The following DCAF6 variants were observed in gnomAD, a reference collection of about 807,000 sequenced individuals.
DCAF6 encodes DDB1- and CUL4-associated factor 6.
In DCAF6, 54 loss-of-function variants were observed where a neutral mutation model predicts 125.1. That is an observed-to-expected ratio of 0.43 (90% CI 0.35 to 0.54). The LOEUF (loss-of-function observed/expected upper bound fraction) is 0.54, where lower values mean the gene tolerates loss of function less well. DCAF6 is among the 20% of genes least tolerant of loss of function. The pLI, the probability that DCAF6 is intolerant of heterozygous loss-of-function variation, is 0.01. For missense variants in DCAF6, 934 were observed against 1,161.7 expected, an observed-to-expected ratio of 0.80 and a Z score of 2.85; for synonymous variants, 371 against 390.4, an observed-to-expected ratio of 0.95 and a Z score of 0.58.
the DCAF6 span, among the ~76,000 whole-genome samples, chr1:167,927,383 C>A: frequency 6.6e-6 from 1 of 152,178 alleles, no homozygotes; most frequent in Admixed American, 6.5e-5. Context: ...ATCATTACAC[C>A]TGGTTCATTT....
At chr1:168,011,449 T>A (rs932288833) in intron 10 of DCAF6, among the ~76,000 whole-genome samples, 1 of 152,190 alleles carries the variant, frequency 6.6e-6, no homozygotes, top group African/African-American at 2.4e-5. Flanking sequence ...TGATGTGGTC[T>A]GTGTGTGGAT....
At chr1:168,074,770 G>A (rs1362647799) in intron 21 of DCAF6, among the ~76,000 whole-genome samples, 1 of 152,180 alleles carries the variant, frequency 6.6e-6, no homozygotes, top group East Asian at 1.9e-4. Flanking sequence ...AAAGAATTGG[G>A]CAAAAGTATC....
chr1:168,072,029 G>C (rs1344550184), intron 21 of DCAF6, among the ~76,000 whole-genome samples: 1 of 151,842 alleles, frequency 6.6e-6, no homozygotes, highest in Non-Finnish European at 1.5e-5. Context: ...GTAGTGCGGT[G>C]GCTCATGCCT....
At chr1:167,935,764 C>T (rs1206909776), upstream of DCAF6, 1 of 1,565,322 alleles carries the variant, frequency 6.4e-7, no homozygotes, top group South Asian at 1.2e-5. Context: ...GCCTCAATTT[C>T]TCGGGCAGCA....
chr1:167,964,294 T>C (rs993055949), intron 2 of DCAF6, among the ~76,000 whole-genome samples: 2 of 152,342 alleles, frequency 1.3e-5, no homozygotes, highest in South Asian at 2.1e-4. Context: ...CTCCTTTAGT[T>C]TTGAAGGATA....
chr1:167,924,340 G>C, the DCAF6 span: 2 of 536,278 alleles, frequency 3.7e-6, no homozygotes, highest in Non-Finnish European at 6.3e-6. Context: ...GTTGCTTTAT[G>C]TAGAAAACGA....
At chr1:167,944,917 TC>T (rs1326089167) in intron 1 of DCAF6, among the ~76,000 whole-genome samples, 1 of 152,220 alleles carries the variant, frequency 6.6e-6, no homozygotes, top group African/African-American at 2.4e-5. Flanking sequence ...AGATAAGAGT[TC>T]AATTGCATTC....
At chr1:168,039,471 A>G (rs1688225423) in intron 13 of DCAF6, among the ~76,000 whole-genome samples, 1 of 150,924 alleles carries the variant, frequency 6.6e-6, no homozygotes, top group African/African-American at 2.4e-5. Context: ...CAAGTTATGT[A>G]AGCTTTTTAT....
intron 7 of DCAF6, 148 bp downstream of exon 7, chr1:167,993,588 A>C: frequency 1.6e-6 from 1 of 618,714 alleles, no homozygotes; most frequent in Non-Finnish European, 2.8e-6. Context: ...CGTCTTTACT[A>C]AAAACACAAA....
At chr1:168,071,566 A>G (rs1020842216) in intron 21 of DCAF6, among the ~76,000 whole-genome samples, 8 of 152,170 alleles carry the variant, frequency 5.3e-5, no homozygotes. Flanking sequence ...CTTGGGAGGT[A>G]GAGGTTGCAG....
intron 10 of DCAF6, among the ~76,000 whole-genome samples, chr1:168,012,371 G>T (rs866916972): frequency 6.6e-6 from 1 of 152,166 alleles, no homozygotes; most frequent in Non-Finnish European, 1.5e-5. Context: ...CAAGAATAGG[G>T]TTTGTAGTTT....
In DCAF6 at chr1:167,987,588, A is replaced by G. The variant is rs766886491; in HGVS notation, c.532A>G (p.Thr178Ala). ...TGATACACGCATCAAAACTAGCTGC[A>G]CAAAAGAAGATTGTAAAGATGTAAG... ...WFDTRIKTSC[T>A]KEDCKDDILI... The change falls in exon 5 of 22, where the codon ACA becomes GCA. Residue 178 changes from threonine (T) to alanine (A), a missense_variant. Coordinates refer to ENST00000367840, the MANE Select transcript of DCAF6 (RefSeq NM_001198956.2). 6.3e-7 allele frequency: 1 copy of G among 1,582,652 alleles called. No individual in the cohort carries two copies. Among genetic ancestry groups the G allele is most frequent in the Admixed American group, 1.7e-5 (1 of 59,900 alleles).
the DCAF6 span, among the ~76,000 whole-genome samples, chr1:167,893,399 A>T: frequency 6.6e-6 from 1 of 152,188 alleles, no homozygotes; most frequent in Non-Finnish European, 1.5e-5. Flanking sequence ...AATGAATTTC[A>T]CAGTCACCTA....
chr1:167,964,318 CAGTATT>C (rs1380488353), intron 2 of DCAF6, among the ~76,000 whole-genome samples: 1 of 152,126 alleles, frequency 6.6e-6, no homozygotes, highest in Non-Finnish European at 1.5e-5. Flanking sequence ...TTGCGGGGTA[CAGTATT>C]CTAGGTTGGT....
rs1305958116 is a variant in DCAF6 at position 167,936,901 on chromosome 1, C to T, written c.-11C>T. On this transcript the variant is annotated 5_prime_UTR_variant, in exon 1 of 22. Transcript: ENST00000367840. ...CGGTGGTCTCCCCTCCCACCCGGCTCAGGCAGAGCCATGTCTCGGGGTGGC... is the reference window on the plus strand; with the variant it reads ...CGGTGGTCTCCCCTCCCACCCGGCTTAGGCAGAGCCATGTCTCGGGGTGGC... 12 of 1,591,002 alleles carry T rather than the reference C, an allele frequency of 7.5e-6. No homozygotes were observed. The highest frequency in any genetic ancestry group is 1.0e-5 in the Non-Finnish European group (12 of 1,170,076).
intron 11 of DCAF6, among the ~76,000 whole-genome samples, chr1:168,016,818 A>G (rs1358514186): frequency 1.3e-5 from 2 of 152,094 alleles, no homozygotes; most frequent in African/African-American, 2.4e-5. Context: ...AGGTTCTCAT[A>G]CTAATCAGTT....
At chr1:168,017,828 C>A (rs968103374) in intron 11 of DCAF6, among the ~76,000 whole-genome samples, 1 of 151,936 alleles carries the variant, frequency 6.6e-6, no homozygotes. Flanking sequence ...GAAGAATGTG[C>A]GTTTCTCATA....
intron 12 of DCAF6, among the ~76,000 whole-genome samples, chr1:168,035,502 T>A (rs562631160): frequency 1.3e-5 from 2 of 152,282 alleles, no homozygotes; most frequent in East Asian, 3.9e-4. Flanking sequence ...TTCTTCATTG[T>A]GTTGTCTTTC....
In DCAF6 at chr1:167,936,965, C is replaced by A. The variant is rs770312945; in HGVS notation, c.54C>A (p.Ser18=). 1.2e-6 allele frequency: 2 copies of A among 1,611,228 alleles called. No homozygotes were observed. The highest frequency in any genetic ancestry group is 1.7e-6 in the Non-Finnish European group (2 of 1,179,260). ...PHLLWDVRKR[S]LGLEDPSRLR... ...TGTTGTGGGACGTGAGGAAAAGGTCCCTCGGGCTGGAGGACCCGTCCCGGC... is the reference window on the plus strand; with the variant it reads ...TGTTGTGGGACGTGAGGAAAAGGTCACTCGGGCTGGAGGACCCGTCCCGGC... The change falls in exon 1 of 22, where the codon TCC becomes TCA. Residue 18 remains serine, a synonymous_variant. Coordinates refer to ENST00000367840, the MANE Select transcript of DCAF6 (RefSeq NM_001198956.2).
Sources: allele counts gnomAD v4.1 joint callset (sites outside exome capture counted in the v4.1 genomes callset), GRCh38; gene constraint gnomAD v4.1.1; transcripts MANE v1.5; gene names NCBI Gene and HGNC (gene_info 2026-07-23, HGNC 2026-07-21).